Variants in DLG2 observed in about 807,000 individuals in gnomAD.
DLG2 encodes the protein discs large MAGUK scaffold protein 2.
In DLG2, 45 loss-of-function variants were observed where a neutral mutation model predicts 132.5. That is an observed-to-expected ratio of 0.34 (90% CI 0.27 to 0.44). DLG2 has a LOEUF of 0.44. Ranked by LOEUF, DLG2 falls within the 20% of genes least tolerant of loss-of-function variation. The probability of loss-of-function intolerance (pLI) is 1.00; values close to 1 mark genes in which losing one functional copy is unlikely to be tolerated. For missense variants in DLG2, 1,045 were observed against 1,196.9 expected (o/e 0.87, Z 1.87); for synonymous variants, 424 against 419.6 (o/e 1.01, Z -0.13).
At chr11:84,831,787 A>G (rs187472549) in intron 6 of DLG2, among the ~76,000 whole-genome samples, 1 of 151,774 alleles carries the variant, frequency 6.6e-6, no homozygotes, top group African/African-American at 2.4e-5. Context: ...CCCTCACAGA[A>G]AAAAAGTTTA....
chr11:84,906,001 A>G (rs952067082), intron 6 of DLG2, among the ~76,000 whole-genome samples: 4 of 152,174 alleles, frequency 2.6e-5, no homozygotes, highest in African/African-American at 7.2e-5. Context: ...CTCATCTGGC[A>G]GTTAAAGCCT....
At chr11:84,070,494 C>A (rs1234772925) in intron 10 of DLG2, among the ~76,000 whole-genome samples, 2 of 152,220 alleles carry the variant, frequency 1.3e-5, no homozygotes. Context: ...GAGTACTACA[C>A]ATTAAGAAAT....
chr11:84,649,604 A>C (rs1315475744), intron 6 of DLG2, among the ~76,000 whole-genome samples: 1 of 152,236 alleles, frequency 6.6e-6, no homozygotes, highest in Admixed American at 6.5e-5. Flanking sequence ...AGGAAAATCA[A>C]GGTACTGCAT....
At position 84,090,649 on chromosome 11, in the gene DLG2, T is replaced by C. The variant is rs567547992; in HGVS notation, c.749+8274A>G. 3.3e-4 allele frequency among the ~76,000 whole-genome samples: 50 copies of C among 152,246 alleles called. 1 individual carries two copies. Among genetic ancestry groups the C allele is most frequent in the African/African-American group, 1.2e-3 (48 of 41,558 alleles). ...TGACAACATATTGCAAAGTAGGACC[T>C]CTCCAACATTGTTGGTAAAAGTAAA... On this transcript the variant is annotated intron_variant, in intron 10 of 27. Transcript: ENST00000376104.
At chr11:84,239,184 TTTA>T (rs1313226205) in intron 8 of DLG2, among the ~76,000 whole-genome samples, 3 of 152,042 alleles carry the variant, frequency 2.0e-5, no homozygotes, top group Non-Finnish European at 4.4e-5. Flanking sequence ...TTTTATCATT[TTTA>T]TTATTATTAT....
chr11:83,634,887 A>G (rs982886915), intron 18 of DLG2, among the ~76,000 whole-genome samples: 1 of 152,214 alleles, frequency 6.6e-6, no homozygotes, highest in Non-Finnish European at 1.5e-5. Flanking sequence ...CTGGTGCATA[A>G]GCAAAGTCTG....
chr11:84,272,836 T>C (rs958866024), intron 7 of DLG2, among the ~76,000 whole-genome samples: 1 of 152,182 alleles, frequency 6.6e-6, no homozygotes, highest in East Asian at 1.9e-4. Flanking sequence ...GCAGTTTATT[T>C]CAAACATTAA....
At chr11:83,853,132 A>G (rs2060031220) in intron 16 of DLG2, among the ~76,000 whole-genome samples, 1 of 152,114 alleles carries the variant, frequency 6.6e-6, no homozygotes, top group African/African-American at 2.4e-5. Flanking sequence ...CTAAATTCCA[A>G]TCACATAAAA....
intron 4 of DLG2, among the ~76,000 whole-genome samples, chr11:85,161,257 C>A (rs1015980818): frequency 3.3e-5 from 5 of 152,180 alleles, no homozygotes; most frequent in African/African-American, 1.2e-4. Flanking sequence ...AGCCACCTGT[C>A]ATTGGCCAGT....
chr11:83,810,171 G>C (rs894401827), intron 17 of DLG2, among the ~76,000 whole-genome samples: 58 of 151,946 alleles, frequency 3.8e-4, no homozygotes, highest in African/African-American at 1.4e-3. Flanking sequence ...TATTCTTCCT[G>C]AGAACAAGTC....
chr11:85,485,376 G>GA (rs201410735), intron 3 of DLG2, among the ~76,000 whole-genome samples: 4,419 of 149,620 alleles, frequency 0.03, 100 homozygotes, highest in East Asian at 0.096. Context: ...TAAACAAATA[G>GA]AAAAAAAAAA....
At chr11:83,967,666 T>C (rs1162386002) in intron 12 of DLG2, among the ~76,000 whole-genome samples, 2 of 152,168 alleles carry the variant, frequency 1.3e-5, no homozygotes, top group African/African-American at 4.8e-5. Context: ...TTGCAATTTT[T>C]TCCCAATTTG....
At chr11:83,890,511 T>C (rs1357877219) in intron 15 of DLG2, among the ~76,000 whole-genome samples, 2 of 151,630 alleles carry the variant, frequency 1.3e-5, no homozygotes, top group East Asian at 3.9e-4. Flanking sequence ...GAGACACCAC[T>C]GTGATGGGGA....
chr11:84,805,766 T>C (rs773297022), intron 6 of DLG2, among the ~76,000 whole-genome samples: 1 of 152,176 alleles, frequency 6.6e-6, no homozygotes, highest in Non-Finnish European at 1.5e-5. Context: ...ATGCTTCATA[T>C]ACAGCCTGCA....
At chr11:84,774,629 A>C (rs2070091664) in intron 6 of DLG2, among the ~76,000 whole-genome samples, 1 of 152,130 alleles carries the variant, frequency 6.6e-6, no homozygotes. Flanking sequence ...GAGAACGCAG[A>C]AATAAAGCTG....
chr11:84,470,010 A>G (rs2099104569), intron 7 of DLG2, among the ~76,000 whole-genome samples: 1 of 151,742 alleles, frequency 6.6e-6, no homozygotes, highest in Non-Finnish European at 1.5e-5. Flanking sequence ...TACTGTACTG[A>G]ATACTGTAGG....
At chr11:84,639,832 G>A (rs2099652732) in intron 6 of DLG2, among the ~76,000 whole-genome samples, 1 of 151,898 alleles carries the variant, frequency 6.6e-6, no homozygotes, top group Non-Finnish European at 1.5e-5. Context: ...CCACTCTCAG[G>A]CTGCTCAGCA....
Position 83,539,227 on chromosome 11 carries a change from T to C in DLG2, c.2117+2455A>G, listed in dbSNP as rs573169362. Among the ~76,000 whole-genome samples the C allele has an allele frequency of 2.3e-4, 35 of 152,342 alleles. No homozygotes were observed. The South Asian group carries it at 3.3e-3, about 14-fold the overall frequency. ...AGGAGGGGGAAGGTGATAATATTCATACTCTTCATCTCATGGTTTCATTTG... is the reference window on the plus strand; with the variant it reads ...AGGAGGGGGAAGGTGATAATATTCACACTCTTCATCTCATGGTTTCATTTG... On this transcript the variant is annotated intron_variant, in intron 20 of 27. Transcript: ENST00000376104.
chr11:83,867,518 G>A (rs533184860), intron 16 of DLG2, among the ~76,000 whole-genome samples: 58 of 151,908 alleles, frequency 3.8e-4, no homozygotes, highest in Non-Finnish European at 7.6e-4. Context: ...TTCATTTTAA[G>A]GAAGGCTTTC....
Sources: allele counts gnomAD v4.1 joint callset (sites outside exome capture counted in the v4.1 genomes callset), GRCh38; gene constraint gnomAD v4.1.1; transcripts MANE v1.5; gene names NCBI Gene and HGNC (gene_info 2026-07-23, HGNC 2026-07-21).